R3HDM1: variants seen among roughly 807,000 people sequenced by gnomAD.
R3HDM1 encodes R3H domain containing 1.
A neutral mutation model predicts 141.1 loss-of-function variants in R3HDM1; 46 were observed. The ratio of observed to expected loss-of-function variants is 0.33; its 90% CI spans 0.26 to 0.42. The LOEUF (loss-of-function observed/expected upper bound fraction) is 0.42. Ranked by LOEUF, R3HDM1 falls within the 10% of genes least tolerant of loss-of-function variation. The pLI, the probability that R3HDM1 is intolerant of heterozygous loss-of-function variation, is 1.00. For synonymous variants in R3HDM1, 435 were observed against 472.9 expected (o/e 0.92, Z 1.04); for missense variants, 1,184 against 1,368.3 (o/e 0.87, Z 2.12).
chr2:135,535,026 A>T lies in R3HDM1; in HGVS notation c.-250+3393A>T, dbSNP rs534400792. Among the ~76,000 whole-genome samples the T allele has an allele frequency of 1.9e-4, 29 of 152,294 alleles. No individual in the cohort carries two copies. In the South Asian group the frequency reaches 6.0e-3, roughly 32 times the overall value. On this transcript the variant is annotated intron_variant, in intron 1 of 26. Coordinates refer to ENST00000683871, the MANE Select transcript of R3HDM1 (RefSeq NM_001378107.1). The stretch of plus-strand genomic sequence containing the variant: ...GCTATTTGAATTAAAAAATTTCACT[A>T]TTGACTTTCCATATTCTATTGTAAA...
intron 1 of R3HDM1, among the ~76,000 whole-genome samples, chr2:135,589,210 A>C (rs1462699920): frequency 1.3e-5 from 2 of 152,218 alleles, no homozygotes; most frequent in Admixed American, 6.5e-5. Flanking sequence ...CAGGAAAGAA[A>C]ATTAGATTTA....
chr2:135,595,063 C>T (rs1033592619), intron 1 of R3HDM1, among the ~76,000 whole-genome samples: 2 of 151,952 alleles, frequency 1.3e-5, no homozygotes, highest in African/African-American at 4.8e-5. Context: ...GATTCTCCAC[C>T]AAATAAATAA....
At chr2:135,633,663 T>C (rs1188469737) in intron 9 of R3HDM1, 1 of 152,188 alleles carries the variant, frequency 6.6e-6, no homozygotes, top group Admixed American at 6.5e-5. Context: ...CTGCTCCATA[T>C]TGAATAAAAA....
intron 7 of R3HDM1, among the ~76,000 whole-genome samples, chr2:135,630,309 CA>C (rs1240227634): frequency 5.1e-5 from 4 of 79,080 alleles, no homozygotes; most frequent in Non-Finnish European, 1.0e-4. Flanking sequence ...AAAAAAAAAA[CA>C]AAAAAAAAAC....
chr2:135,625,310 C>T (rs571737347), intron 7 of R3HDM1, among the ~76,000 whole-genome samples: 5 of 152,022 alleles, frequency 3.3e-5, no homozygotes, highest in African/African-American at 9.6e-5. Flanking sequence ...ATTAGCTGGG[C>T]GGTTCATGCC....
At chr2:135,618,063 A>G (rs1351698438) in intron 5 of R3HDM1, among the ~76,000 whole-genome samples, 28 of 152,218 alleles carry the variant, frequency 1.8e-4, no homozygotes, top group Admixed American at 1.8e-3. Context: ...AATGCAAGGA[A>G]AATGTTTTGA....
At chr2:135,636,841 T>C (rs1267023170) in intron 11 of R3HDM1, among the ~76,000 whole-genome samples, 1 of 151,634 alleles carries the variant, frequency 6.6e-6, no homozygotes, top group Non-Finnish European at 1.5e-5. Flanking sequence ...AGATTGTAAG[T>C]GAAGAACTTA....
At position 135,635,882 on chromosome 2, in the gene R3HDM1, T is replaced by G. The variant is rs763170211; in HGVS notation, c.699-8T>G. On this transcript the variant is annotated splice_region_variant and splice_polypyrimidine_tract_variant and intron_variant, in intron 9 of 26. Coordinates refer to ENST00000683871, the MANE Select transcript of R3HDM1 (RefSeq NM_001378107.1). ...CCTGTTCCTTTGTTTTTGTTTTTGTTTTTTAAGACCTGATCAGAAATTTAA... is the reference window on the plus strand; with the variant it reads ...CCTGTTCCTTTGTTTTTGTTTTTGTGTTTTAAGACCTGATCAGAAATTTAA... The G allele has an allele frequency of 6.4e-5, 100 of 1,573,554 alleles. No homozygotes were observed. The highest frequency in any genetic ancestry group is 8.3e-5 in the Non-Finnish European group (97 of 1,165,428).
chr2:135,671,201 G>T (rs2068279550), intron 19 of R3HDM1, among the ~76,000 whole-genome samples: 2 of 150,506 alleles, frequency 1.3e-5, no homozygotes, highest in African/African-American at 4.9e-5. Context: ...TAACTATATG[G>T]AATCTGTGAT....
At chr2:135,603,897 G>A (rs2059829639) in intron 2 of R3HDM1, among the ~76,000 whole-genome samples, 2 of 152,168 alleles carry the variant, frequency 1.3e-5, no homozygotes, top group African/African-American at 2.4e-5. Flanking sequence ...GTGACCCACC[G>A]CAGCCGGCCA....
At chr2:135,667,692 G>T in intron 19 of R3HDM1, 3 of 976,680 alleles carry the variant, frequency 3.1e-6, no homozygotes, top group Non-Finnish European at 3.6e-6. Context: ...TTTGAAACCT[G>T]TTGATACTTT....
chr2:135,635,862 T>G (rs1251290859), intron 9 of R3HDM1, 28 bp from the exon 10 acceptor site: 1 of 1,559,352 alleles, frequency 6.4e-7, no homozygotes, highest in African/African-American at 1.4e-5. Flanking sequence ...CTTTTCCTGT[T>G]CCTTTGTTTT....
At chr2:135,696,793 C>A (rs576019729) in intron 21 of R3HDM1, among the ~76,000 whole-genome samples, 12 of 152,198 alleles carry the variant, frequency 7.9e-5, no homozygotes, top group Non-Finnish European at 1.8e-4. Context: ...GCCTAGCCTT[C>A]TTTTCTAATA....
At chr2:135,690,734 T>C (rs1339423537) in intron 21 of R3HDM1, among the ~76,000 whole-genome samples, 1 of 152,196 alleles carries the variant, frequency 6.6e-6, no homozygotes, top group Non-Finnish European at 1.5e-5. Context: ...TGTTTGTTTC[T>C]TTTTTTCTTT....
rs763064878 is a variant in R3HDM1 at position 135,710,071 on chromosome 2, C to T, written c.2576C>T (p.Pro859Leu). ...QGHQCTAGPP[P>L]PPGGGMVMMQ... ...TTCTGATTTTCAGCTGGACCACCAC[C>T]GCCACCTGGTGGGGGGATGGTGATG... The change falls in exon 23 of 27, where the codon CCG (proline) becomes CTG (leucine). Residue 859 changes from proline (P) to leucine (L), a missense_variant. Pro to Leu is a moderately conservative substitution (Grantham distance 98, BLOSUM62 -3). Coordinates refer to ENST00000683871, the MANE Select transcript of R3HDM1 (RefSeq NM_001378107.1). 5 of 1,613,316 alleles carry T rather than the reference C, an allele frequency of 3.1e-6. No individual in the cohort carries two copies. In the South Asian group the frequency reaches 3.3e-5, roughly 11 times the overall value.
intron 9 of R3HDM1, 30 bp downstream of exon 9, chr2:135,632,031 A>G: frequency 1.4e-6 from 2 of 1,463,410 alleles, no homozygotes; most frequent in East Asian, 4.7e-5. Context: ...ACTACATATT[A>G]TATATCTAAA....
At chr2:135,551,968 T>A (rs758764816) in intron 1 of R3HDM1, among the ~76,000 whole-genome samples, 31 of 152,216 alleles carry the variant, frequency 2.0e-4, no homozygotes, top group Admixed American at 3.3e-4. Flanking sequence ...TAACATGAGC[T>A]GCTTAGAGTC....
At chr2:135,597,934 G>A (rs1392061769) in intron 1 of R3HDM1, among the ~76,000 whole-genome samples, 2 of 152,098 alleles carry the variant, frequency 1.3e-5, no homozygotes, top group Non-Finnish European at 2.9e-5. Context: ...TTTGTGTTGT[G>A]AAACCAAAAC....
Position 135,602,603 on chromosome 2 carries a change from G to C in R3HDM1, c.-146G>C. 6.5e-7 allele frequency: 1 copy of C among 1,544,830 alleles called. No homozygotes were observed. Among genetic ancestry groups the C allele is most frequent in the Non-Finnish European group, 8.7e-7 (1 of 1,145,334 alleles). ...GACTCCTCCTGCCAGATTACAGATG[G>C]TTCACTACAGTTGACATCCTGGCTG... On this transcript the variant is annotated 5_prime_UTR_variant, in exon 2 of 27. Transcript: ENST00000683871.
Sources: allele counts gnomAD v4.1 joint callset (sites outside exome capture counted in the v4.1 genomes callset), GRCh38; gene constraint gnomAD v4.1.1; transcripts MANE v1.5; gene names NCBI Gene and HGNC (gene_info 2026-07-23, HGNC 2026-07-21).